The following PCDH15 variants were observed in gnomAD, a reference collection of about 807,000 sequenced individuals.
PCDH15 encodes protocadherin related 15, also known as protocadherin-15.
In PCDH15, 129 loss-of-function variants were observed where a neutral mutation model predicts 178.5. That is an observed-to-expected ratio of 0.72 (90% CI 0.63 to 0.84). The LOEUF is 0.84. Ranked by LOEUF, PCDH15 falls within the 40% of genes least tolerant of loss-of-function variation. PCDH15 has a pLI of 0.00. For synonymous variants in PCDH15, 800 were observed against 732.0 expected, an observed-to-expected ratio of 1.09 and a Z score of -1.50; for missense variants, 2,230 against 2,099.9, an observed-to-expected ratio of 1.06 and a Z score of -1.21.
chr10:54,890,745 A>T (rs1439329405), intron 3 of PCDH15, among the ~76,000 whole-genome samples: 1 of 152,092 alleles, frequency 6.6e-6, no homozygotes, highest in Non-Finnish European at 1.5e-5. Context: ...CTTCCTACAG[A>T]ATATGTAGTG....
At chr10:55,235,817 G>C (rs1841365036) in intron 1 of PCDH15, among the ~76,000 whole-genome samples, 1 of 148,248 alleles carries the variant, frequency 6.7e-6, no homozygotes, top group Non-Finnish European at 1.5e-5. Context: ...TGAGGCAGGA[G>C]AATTGCTTGA....
At chr10:55,220,009 A>G (rs1041038626) in intron 1 of PCDH15, among the ~76,000 whole-genome samples, 1 of 151,800 alleles carries the variant, frequency 6.6e-6, no homozygotes, top group African/African-American at 2.4e-5. Flanking sequence ...CCACATGGAT[A>G]CCTCCTGTAT....
intron 13 of PCDH15, among the ~76,000 whole-genome samples, chr10:54,159,355 G>A (rs2045483943): frequency 6.6e-6 from 1 of 151,932 alleles, no homozygotes; most frequent in African/African-American, 2.4e-5. Flanking sequence ...ATTTATATCT[G>A]GTGTTTCTGC....
At chr10:54,265,763 C>A (rs960078039) in intron 8 of PCDH15, among the ~76,000 whole-genome samples, 7 of 152,016 alleles carry the variant, frequency 4.6e-5, no homozygotes, top group Non-Finnish European at 8.8e-5. Flanking sequence ...ATTGGAGCAC[C>A]AAGATTCATA....
At chr10:54,858,866 A>G (rs1023397963) in intron 3 of PCDH15, among the ~76,000 whole-genome samples, 9 of 152,104 alleles carry the variant, frequency 5.9e-5, no homozygotes, top group African/African-American at 2.2e-4. Flanking sequence ...CTTATTTGAA[A>G]ACAATAACTA....
chr10:54,853,289 G>GTATATGTA (rs1953664750), intron 3 of PCDH15, among the ~76,000 whole-genome samples: 2 of 102,550 alleles, frequency 2.0e-5, no homozygotes, highest in South Asian at 7.4e-4. Context: ...ATGTATGTGT[G>GTATATGTA]TATATATATA....
At chr10:55,455,665 A>G (rs2132086248) in intron 2 of PCDH15, among the ~76,000 whole-genome samples, 1 of 152,248 alleles carries the variant, frequency 6.6e-6, no homozygotes, top group African/African-American at 2.4e-5. Flanking sequence ...AGAATAACAT[A>G]CTCTAATTCA....
At chr10:55,177,603 C>T (rs1000740995) in intron 1 of PCDH15, among the ~76,000 whole-genome samples, 5 of 152,148 alleles carry the variant, frequency 3.3e-5, no homozygotes, top group African/African-American at 4.8e-5. Flanking sequence ...TGTTTATACC[C>T]TACATAATGT....
At chr10:54,533,451 G>C (rs2132778737) in intron 2 of PCDH15, among the ~76,000 whole-genome samples, 2 of 152,140 alleles carry the variant, frequency 1.3e-5, no homozygotes, top group South Asian at 4.1e-4. Context: ...TGAAAGATTA[G>C]AGAGAGCTCA....
At chr10:55,224,248 A>G (rs1840964406) in intron 1 of PCDH15, among the ~76,000 whole-genome samples, 1 of 152,124 alleles carries the variant, frequency 6.6e-6, no homozygotes, top group African/African-American at 2.4e-5. Context: ...AGGTAAATGA[A>G]TATGGTCAGA....
chr10:53,846,918 C>T (rs149285765), intron 28 of PCDH15, among the ~76,000 whole-genome samples: 82 of 152,040 alleles, frequency 5.4e-4, no homozygotes, highest in African/African-American at 1.8e-3. Context: ...GTTTTGCATG[C>T]TCAGTTTACT....
chr10:54,066,619 T>C (rs1590210223), intron 18 of PCDH15, 138 bp downstream of exon 18: 2 of 727,006 alleles, frequency 2.8e-6, no homozygotes, highest in East Asian at 5.6e-5. Context: ...ATATGATTCA[T>C]TTTTTAAAGT....
chr10:55,421,385 T>G (rs1838617988), intron 2 of PCDH15, among the ~76,000 whole-genome samples: 3 of 149,124 alleles, frequency 2.0e-5, no homozygotes, highest in South Asian at 2.1e-4. Context: ...ATTGTTAAAA[T>G]TATTTGCGTA....
chr10:55,314,555 A>G (rs956082815), intron 1 of PCDH15, among the ~76,000 whole-genome samples: 1 of 144,098 alleles, frequency 6.9e-6, no homozygotes, highest in African/African-American at 2.8e-5. Flanking sequence ...ATTCGTCATT[A>G]TATATATTAC....
intron 1 of PCDH15, among the ~76,000 whole-genome samples, chr10:55,167,287 T>C (rs1839220401): frequency 1.3e-5 from 2 of 152,048 alleles, no homozygotes; most frequent in South Asian, 4.1e-4. Context: ...GTCATTTTTA[T>C]ATTTTTTGTA....
At position 54,369,227 on chromosome 10, in the gene PCDH15, T is replaced by C; in HGVS notation, c.367A>G (p.Lys123Glu). 1.9e-6 allele frequency: 3 copies of C among 1,613,020 alleles called. No homozygotes were observed. The highest frequency in any genetic ancestry group is 2.5e-6 in the Non-Finnish European group (3 of 1,179,380). ...SIVVQVQCIN[K>E]KVGTIIYHEV... is the part of the protein sequence containing the mutation. ...TGGTAGATAATAGTGCCCACTTTTT[T>C]GTTGATGCACTGGACCTGCACCACA... Residue 123 changes from lysine (K) to glutamate (E), a missense_variant, in exon 5 of 38, where the codon AAA (lysine) becomes GAA (glutamate). Lys to Glu is a moderately conservative substitution (Grantham distance 56). Transcript: ENST00000644397.
intron 3 of PCDH15, among the ~76,000 whole-genome samples, chr10:54,469,983 C>T (rs1345763480): frequency 6.6e-6 from 1 of 152,068 alleles, no homozygotes; most frequent in Non-Finnish European, 1.5e-5. Flanking sequence ...GTAGGTGGGG[C>T]AGGATGATAC....
At chr10:54,303,603 T>C (rs1186441546) in intron 8 of PCDH15, among the ~76,000 whole-genome samples, 1 of 152,148 alleles carries the variant, frequency 6.6e-6, no homozygotes, top group African/African-American at 2.4e-5. Flanking sequence ...CAAGAGAATG[T>C]AATTTTTAAG....
intron 2 of PCDH15, among the ~76,000 whole-genome samples, chr10:55,023,949 T>A (rs1840405026): frequency 6.7e-6 from 1 of 149,622 alleles, no homozygotes; most frequent in Admixed American, 6.7e-5. Flanking sequence ...GGAGTTTACA[T>A]CTGAATCAGA....
Sources: allele counts gnomAD v4.1 joint callset (sites outside exome capture counted in the v4.1 genomes callset), GRCh38; gene constraint gnomAD v4.1.1; transcripts MANE v1.5; gene names NCBI Gene and HGNC (gene_info 2026-07-23, HGNC 2026-07-21).